Variants in VIPR1 observed in about 807,000 individuals in gnomAD.
The protein encoded by VIPR1 is vasoactive intestinal peptide receptor 1.
In VIPR1, 59 loss-of-function variants were observed where a neutral mutation model predicts 58.8. That is an observed-to-expected ratio of 1.00 (90% CI 0.81 to 1.25). The LOEUF (loss-of-function observed/expected upper bound fraction) is 1.25. VIPR1 is among the 50% of genes most tolerant of loss of function. The probability of loss-of-function intolerance (pLI) is 0.00; values close to 1 mark genes in which losing one functional copy is unlikely to be tolerated. For missense variants in VIPR1, 626 were observed against 602.7 expected, an observed-to-expected ratio of 1.04 and a Z score of -0.40; for synonymous variants, 251 against 242.1, an observed-to-expected ratio of 1.04 and a Z score of -0.34.
intron 2 of VIPR1, among the ~76,000 whole-genome samples, chr3:42,515,160 C>T (rs1233744864): frequency 6.6e-6 from 1 of 152,210 alleles, no homozygotes; most frequent in African/African-American, 2.4e-5. Flanking sequence ...GTCTTCCTGG[C>T]TCCCTAGTTC....
chr3:42,536,226 T>G lies in VIPR1; in HGVS notation c.1319T>G (p.Val440Gly), dbSNP rs1701837013. Residue 440 changes from valine (V) to glycine (G), a missense_variant, in exon 13 of 13, where the codon GTC (valine) becomes GGC (glycine). Physicochemically the swap from Val to Gly is moderately radical, Grantham distance 109. Transcript: ENST00000325123. ...ACGCAGGTTTCCATGCTGACCCGCG[T>G]CAGCCCAGGTGCCCGCCGCTCCTCC... The part of the protein sequence containing the change: ...CSTQVSMLTR[V>G]SPGARRSSSF... 1 of 1,581,106 alleles carries G rather than the reference T, an allele frequency of 6.3e-7. No homozygotes were observed. The highest frequency in any genetic ancestry group is 1.3e-5 in the African/African-American group (1 of 74,302).
In VIPR1 at chr3:42,531,558, C is replaced by T. The variant is rs374065999; in HGVS notation, c.851+27C>T. 3.5e-5 allele frequency: 56 copies of T among 1,588,970 alleles called. No individual in the cohort carries two copies. The African/African-American group carries it at 5.2e-4, about 15-fold the overall frequency. ...TGAGCTGCTGCCCCACACACTCCCC[C>T]GGCCGCCATCACTTGGGCAGGCCCC... On this transcript the variant is annotated intron_variant, in intron 8 of 12. Transcript: ENST00000325123.
At chr3:42,495,556 C>T (rs896034804) in intron 1 of VIPR1, among the ~76,000 whole-genome samples, 3 of 152,122 alleles carry the variant, frequency 2.0e-5, no homozygotes, top group Non-Finnish European at 4.4e-5. Flanking sequence ...TGTATAATCC[C>T]CTCCCTGTGA....
Position 42,536,295 on chromosome 3 carries a change from A to T in VIPR1, c.*14A>T. 6.6e-7 allele frequency: 1 copy of T among 1,514,012 alleles called. No individual in the cohort carries two copies. Among genetic ancestry groups the T allele is most frequent in the East Asian group, 2.4e-5 (1 of 40,886 alleles). The allele number at this position is 1,514,012 out of a possible 1,614,324, so 93.8% of individuals were successfully genotyped here. A position where few individuals can be genotyped will look rare whatever the true frequency, so the allele number is the denominator to read the frequency against. On this transcript the variant is annotated 3_prime_UTR_variant, in exon 13 of 13. Coordinates refer to ENST00000325123, the MANE Select transcript of VIPR1 (RefSeq NM_004624.4). ...TCCCTGGTCTGACCACCAGGATCCC[A>T]GGGGCCCAAGGCGGCCCCTCCCGCC... is the stretch of plus-strand genomic sequence containing the variant.
chr3:42,491,452 G>T (rs1291178269), intron 1 of VIPR1, among the ~76,000 whole-genome samples: 2 of 152,232 alleles, frequency 1.3e-5, no homozygotes, highest in Non-Finnish European at 2.9e-5. Context: ...GATTCAAAAT[G>T]ATCATGGTTG....
chr3:42,497,713 G>GT (rs1318884729), upstream of VIPR1, among the ~76,000 whole-genome samples: 3 of 152,158 alleles, frequency 2.0e-5, no homozygotes, highest in Admixed American at 2.0e-4. Flanking sequence ...CGTTCTTGTG[G>GT]TAGTGAATAA....
At chr3:42,532,603 G>A (rs1701630564) in intron 10 of VIPR1, 1 of 556,772 alleles carries the variant, frequency 1.8e-6, no homozygotes, top group Non-Finnish European at 3.2e-6. Flanking sequence ...GCCAAGCCAG[G>A]GAGCTCAAGA....
chr3:42,536,313 C>T lies in VIPR1; in HGVS notation c.*32C>T. ...GGATCCCAGGGGCCCAAGGCGGCCC[C>T]TCCCGCCCCTTCCCACTCACCCCGG... On this transcript the variant is annotated 3_prime_UTR_variant, in exon 13 of 13. Coordinates refer to ENST00000325123, the MANE Select transcript of VIPR1 (RefSeq NM_004624.4). 6.7e-7 allele frequency: 1 copy of T among 1,483,212 alleles called. No homozygotes were observed. Among genetic ancestry groups the T allele is most frequent in the Non-Finnish European group, 8.9e-7 (1 of 1,120,736 alleles). 91.9% of individuals were successfully genotyped at this position (1,483,212 alleles called of 1,614,324 possible). A position where few individuals can be genotyped will look rare whatever the true frequency, so the allele number is the denominator to read the frequency against.
At chr3:42,523,056 C>G (rs1265598188) in intron 3 of VIPR1, among the ~76,000 whole-genome samples, 3 of 151,776 alleles carry the variant, frequency 2.0e-5, no homozygotes, top group Non-Finnish European at 2.9e-5. Flanking sequence ...CCAGGCATGC[C>G]CTGACCCCTT....
chr3:42,526,042 C>A, intron 4 of VIPR1, 49 bp downstream of exon 4: 1 of 1,536,546 alleles, frequency 6.5e-7, no homozygotes, highest in Non-Finnish European at 8.9e-7. Flanking sequence ...CGGGGCCCAC[C>A]TAGGAGACTT....
intron 1 of VIPR1, among the ~76,000 whole-genome samples, chr3:42,494,593 T>C (rs1384946742): frequency 2.6e-5 from 4 of 152,250 alleles, no homozygotes; most frequent in African/African-American, 9.6e-5. Context: ...TGGAACTATG[T>C]CCTTTCTCTT....
chr3:42,502,815 T>A lies in VIPR1; in HGVS notation c.78+2T>A. ...CTCGCCTGGGCCCTTGGGCCGGCGGTGAGTGTTCGCCCGGCCGCCCAGAGT... is the reference window on the plus strand; with the variant it reads ...CTCGCCTGGGCCCTTGGGCCGGCGGAGAGTGTTCGCCCGGCCGCCCAGAGT... On this transcript the variant is annotated splice_donor_variant, in intron 1 of 12. Coordinates refer to ENST00000325123, the MANE Select transcript of VIPR1 (RefSeq NM_004624.4). LOFTEE classifies it high-confidence loss of function. 7.9e-7 allele frequency: 1 copy of A among 1,260,822 alleles called. No individual in the cohort carries two copies. Among genetic ancestry groups the A allele is most frequent in the Non-Finnish European group, 1.0e-6 (1 of 1,003,912 alleles). 78.1% of individuals were successfully genotyped at this position (1,260,822 alleles called of 1,614,324 possible).
Position 42,531,814 on chromosome 3 carries a change from C to T in VIPR1, c.863C>T (p.Thr288Ile), listed in dbSNP as rs373308715. 3 of 1,614,030 alleles carry T rather than the reference C, an allele frequency of 1.9e-6. No homozygotes were observed. The highest frequency in any genetic ancestry group is 2.5e-6 in the Non-Finnish European group (3 of 1,180,030). Reference sequence around the variant, plus strand: ...CACGGTCTGCTCAGGTGCTGGGACACCATCAACTCCTCACTGTGGTGGATC... The same window carrying T: ...CACGGTCTGCTCAGGTGCTGGGACATCATCAACTCCTCACTGTGGTGGATC... The part of the protein sequence containing the change: ...IHFEDYGCWD[T>I]INSSLWWIIK... The change falls in exon 9 of 13, where the codon ACC becomes ATC. Residue 288 changes from threonine to isoleucine, a missense_variant. Transcript: ENST00000325123.
chr3:42,513,762 C>G lies in VIPR1; in HGVS notation c.92C>G (p.Ala31Gly). The G allele has an allele frequency of 6.4e-7, 1 of 1,551,446 alleles. No individual in the cohort carries two copies. The highest frequency in any genetic ancestry group is 8.7e-7 in the Non-Finnish European group (1 of 1,146,870). ...CTTTGTTCTCAGGGCGGCCAGGCGG[C>G]CAGGCTGCAGGAGGAGTGTGACTAT... ...WALGPAGGQA[A>G]RLQEECDYVQ... Residue 31 changes from alanine to glycine, a missense_variant, in exon 2 of 13, where the codon GCC (alanine) becomes GGC (glycine). Ala to Gly is a moderately conservative substitution (Grantham distance 60). Coordinates refer to ENST00000325123, the MANE Select transcript of VIPR1 (RefSeq NM_004624.4).
intron 1 of VIPR1, among the ~76,000 whole-genome samples, chr3:42,495,045 A>G (rs1448560123): frequency 1.3e-5 from 2 of 152,200 alleles, no homozygotes; most frequent in Non-Finnish European, 2.9e-5. Flanking sequence ...GAAAAGAATA[A>G]GAAAATCAAA....
rs757213503 is a variant in VIPR1 at position 42,525,945 on chromosome 3, G to A, written c.351G>A (p.Pro117=). Residue 117 remains proline, a synonymous_variant, in exon 4 of 13, where the codon CCG becomes CCA. Coordinates refer to ENST00000325123, the MANE Select transcript of VIPR1 (RefSeq NM_004624.4). The part of the protein sequence containing the change: ...DEGWTHLEPG[P]YPIACGLDDK... ...GCTGGACGCACCTGGAGCCTGGCCC[G>A]TACCCCATTGCCTGTGGTTTGGATG... 1.3e-5 allele frequency: 21 copies of A among 1,613,380 alleles called. No individual in the cohort carries two copies. In the Admixed American group the frequency reaches 1.3e-4, roughly 10 times the overall value.
intron 12 of VIPR1, 77 bp downstream of exon 12, chr3:42,535,461 T>C (rs1220656274): frequency 2.6e-6 from 4 of 1,513,088 alleles, no homozygotes; most frequent in African/African-American, 1.4e-5. Context: ...GTGGGATATG[T>C]GCAGAGCAAG....
In VIPR1 at chr3:42,526,004, G is replaced by C; in HGVS notation, c.399+11G>C. 1.9e-6 allele frequency: 3 copies of C among 1,605,718 alleles called. No individual in the cohort carries two copies. The highest frequency in any genetic ancestry group is 2.6e-6 in the Non-Finnish European group (3 of 1,176,112). ...GCGAGTTTGGATGAGGTGGGTCTCAGGGCACCCCCACCTCACCTGCAGAGC... is the reference window on the plus strand; with the variant it reads ...GCGAGTTTGGATGAGGTGGGTCTCACGGCACCCCCACCTCACCTGCAGAGC... On this transcript the variant is annotated intron_variant, in intron 4 of 12. Transcript: ENST00000325123.
intron 1 of VIPR1, among the ~76,000 whole-genome samples, chr3:42,493,177 C>G (rs1351949226): frequency 6.6e-6 from 1 of 152,172 alleles, no homozygotes; most frequent in Non-Finnish European, 1.5e-5. Flanking sequence ...AGGAGGGAGA[C>G]GGGTGGCTTC....
Sources: gnomAD v4.1 joint callset for allele counts (sites outside exome capture counted in the v4.1 genomes callset) on GRCh38, gnomAD v4.1.1 for gene constraint, MANE v1.5 for transcripts, NCBI Gene and HGNC (gene_info 2026-07-23, HGNC 2026-07-21) for gene names.